Variants in ARHGEF12 observed in about 807,000 individuals in gnomAD.
ARHGEF12 encodes the protein KMT2A/ARHGEF12 fusion protein.
A neutral mutation model predicts 211.2 loss-of-function variants in ARHGEF12; 66 were observed. The observed-to-expected ratio is 0.31, with a 90% CI of 0.26 to 0.38. ARHGEF12 has a LOEUF of 0.38. Among genes scored for constraint, ARHGEF12 ranks in the 10% least tolerant of loss-of-function variants. The pLI, the probability that ARHGEF12 is intolerant of heterozygous loss-of-function variation, is 1.00. For synonymous variants in ARHGEF12, 592 were observed against 638.4 expected (o/e 0.93, Z 1.09); for missense variants, 1,429 against 1,869.5 (o/e 0.76, Z 4.34).
chr11:120,354,082 G>T (rs946756777), intron 1 of ARHGEF12, among the ~76,000 whole-genome samples: 1 of 152,154 alleles, frequency 6.6e-6, no homozygotes, highest in African/African-American at 2.4e-5. Context: ...GACTAGGGGT[G>T]CAGTGGGAGG....
In ARHGEF12 at chr11:120,478,299, A is replaced by C. The variant is rs931088206; in HGVS notation, c.3676A>C (p.Lys1226Gln). ...AKEQHTDGTL[K>Q]EVGEDYQIAI... Reference sequence around the variant, plus strand: ...GGAACAACATACAGATGGGACACTAAAGGAAGTTGGAGAAGATTATCAAAT... The same window carrying C: ...GGAACAACATACAGATGGGACACTACAGGAAGTTGGAGAAGATTATCAAAT... Residue 1226 changes from lysine (K) to glutamine (Q), a missense_variant, in exon 37 of 41, where the codon AAG becomes CAG. Physicochemically the swap from Lys to Gln is moderately conservative, Grantham distance 53. This residue lies in a region of ARHGEF12 where 467 missense variants were observed against 468.4 expected (regional missense o/e 1.00). Transcript: ENST00000397843. 30 of 1,614,150 alleles carry C rather than the reference A, an allele frequency of 1.9e-5. No homozygotes were observed. Among genetic ancestry groups the C allele is most frequent in the Non-Finnish European group, 2.5e-5 (30 of 1,180,020 alleles).
intron 7 of ARHGEF12, among the ~76,000 whole-genome samples, chr11:120,425,460 T>C (rs979173682): frequency 2.6e-5 from 4 of 151,886 alleles, no homozygotes; most frequent in Non-Finnish European, 5.9e-5. Context: ...CCTTGTTTTT[T>C]GTTTTTTGTT....
At chr11:120,416,186 T>TC (rs1469721618) in intron 4 of ARHGEF12, among the ~76,000 whole-genome samples, 2 of 152,204 alleles carry the variant, frequency 1.3e-5, no homozygotes, top group Non-Finnish European at 2.9e-5. Flanking sequence ...GCTGTTTTTT[T>TC]CTCTCCGATG....
In ARHGEF12 at chr11:120,441,687, A is replaced by G; in HGVS notation, c.1093-20A>G. 6.3e-7 allele frequency: 1 copy of G among 1,591,748 alleles called. No individual in the cohort carries two copies. The highest frequency in any genetic ancestry group is 8.6e-7 in the Non-Finnish European group (1 of 1,160,690). ...ATTTGTATGTTGGAGTTACTGATGC[A>G]TAATCATTTCTTCCTCTAGATCAAT... On this transcript the variant is annotated intron_variant, in intron 13 of 40. Coordinates refer to ENST00000397843, the MANE Select transcript of ARHGEF12 (RefSeq NM_015313.3).
At chr11:120,344,010 A>T (rs1287315902) in intron 1 of ARHGEF12, among the ~76,000 whole-genome samples, 2 of 152,072 alleles carry the variant, frequency 1.3e-5, no homozygotes, top group Non-Finnish European at 2.9e-5. Context: ...CATGCCTGTA[A>T]ATCCCAGCAC....
intron 37 of ARHGEF12, among the ~76,000 whole-genome samples, chr11:120,479,092 CA>C (rs1444384877): frequency 6.6e-6 from 1 of 151,992 alleles, no homozygotes; most frequent in Non-Finnish European, 1.5e-5. Flanking sequence ...TAATGAATGA[CA>C]AAACACTAAA....
intron 1 of ARHGEF12, among the ~76,000 whole-genome samples, chr11:120,369,570 C>T (rs915788245): frequency 2.0e-5 from 3 of 152,194 alleles, no homozygotes; most frequent in African/African-American, 7.2e-5. Flanking sequence ...TTATGTTTAT[C>T]ATTTTATAGA....
intron 15 of ARHGEF12, among the ~76,000 whole-genome samples, chr11:120,444,566 A>C (rs1945988225): frequency 6.6e-6 from 1 of 152,222 alleles, no homozygotes; most frequent in Non-Finnish European, 1.5e-5. Context: ...AAGAGATCTT[A>C]CAATTTTTAG....
intron 13 of ARHGEF12, 152 bp from the exon 14 acceptor site, chr11:120,441,555 T>C (rs1945868562): frequency 3.4e-6 from 2 of 588,644 alleles, no homozygotes; most frequent in East Asian, 2.9e-5. Flanking sequence ...CCATAGCTTC[T>C]GTTGCTAATA....
intron 1 of ARHGEF12, among the ~76,000 whole-genome samples, chr11:120,379,924 G>A (rs1200131907): frequency 6.6e-6 from 1 of 152,014 alleles, no homozygotes. Context: ...TAGTTTTCTT[G>A]TAATGTCATT....
chr11:120,372,453 C>T (rs1591513584), intron 1 of ARHGEF12, among the ~76,000 whole-genome samples: 1 of 152,060 alleles, frequency 6.6e-6, no homozygotes, highest in Non-Finnish European at 1.5e-5. Context: ...TATACTGGCC[C>T]AGTACAAAGT....
chr11:120,387,524 ATCTT>A (rs545764784), intron 1 of ARHGEF12, among the ~76,000 whole-genome samples: 467 of 152,238 alleles, frequency 3.1e-3, no homozygotes, highest in Non-Finnish European at 4.8e-3. Flanking sequence ...AAAATTATTA[ATCTT>A]TCTATTACAG....
chr11:120,489,408 A>G lies in ARHGEF12; in HGVS notation c.*4331A>G. On this transcript the variant is annotated 3_prime_UTR_variant, in exon 41 of 41. Transcript: ENST00000397843. ...TTTTAAGTATAAAGTTCAGTGAGGT[A>G]GGCCAGCTTTTATGACGCACCTGAA... 1 of 224,280 alleles carries G rather than the reference A, an allele frequency of 4.5e-6. No individual in the cohort carries two copies. The highest frequency in any genetic ancestry group is 8.9e-6 in the Non-Finnish European group (1 of 112,370). 13.9% of individuals were successfully genotyped at this position (224,280 alleles called of 1,614,324 possible).
intron 22 of ARHGEF12, among the ~76,000 whole-genome samples, chr11:120,455,083 A>T (rs1317828557): frequency 3.3e-5 from 5 of 152,230 alleles, no homozygotes; most frequent in South Asian, 2.1e-4. Flanking sequence ...TAGAGTGTAC[A>T]TCAGAAATAT....
intron 31 of ARHGEF12, among the ~76,000 whole-genome samples, 153 bp from the exon 32 acceptor site, chr11:120,474,407 A>G (rs930205714): frequency 6.6e-6 from 1 of 152,178 alleles, no homozygotes; most frequent in African/African-American, 2.4e-5. Flanking sequence ...CTTTTGTGCC[A>G]TTTTCAAGAA....
At position 120,476,803 on chromosome 11, in the gene ARHGEF12, G is replaced by A. The variant is rs138609487; in HGVS notation, c.3365+55G>A. 1,925 of 1,361,774 alleles carry A rather than the reference G, an allele frequency of 1.4e-3. 24 individuals carry two copies. In the Admixed American group the frequency reaches 0.023, roughly 16 times the overall value. 84.4% of individuals were successfully genotyped at this position (1,361,774 alleles called of 1,614,324 possible). ...AGCTAATATTTTCATTATCCCAAGC[G>A]TAATATTCCATAAACTTAACTTTGT... is the stretch of plus-strand genomic sequence containing the variant. On this transcript the variant is annotated intron_variant, in intron 34 of 40. Transcript: ENST00000397843.
chr11:120,381,563 G>A (rs1181349364), intron 1 of ARHGEF12, among the ~76,000 whole-genome samples: 1 of 152,186 alleles, frequency 6.6e-6, no homozygotes, highest in Admixed American at 6.5e-5. Flanking sequence ...CTTCAGTGAA[G>A]TTATGTCATA....
At position 120,481,482 on chromosome 11, in the gene ARHGEF12, G is replaced by C. The variant is rs1947234843; in HGVS notation, c.4460G>C (p.Cys1487Ser). The change falls in exon 39 of 41, where the codon TGT becomes TCT. Residue 1487 changes from cysteine to serine, a missense_variant. Coordinates refer to ENST00000397843, the MANE Select transcript of ARHGEF12 (RefSeq NM_015313.3). ...QQRWGAMEYS[C>S]FEIQSPSSCA... is the part of the protein sequence containing the mutation. The stretch of plus-strand genomic sequence containing the variant: ...CGCTGGGGAGCTATGGAGTATTCCT[G>C]TTTTGAGATCCAGAGTCCCTCCTCT... The C allele has an allele frequency of 6.2e-7, 1 of 1,614,080 alleles. No individual in the cohort carries two copies. The highest frequency in any genetic ancestry group is 1.3e-5 in the African/African-American group (1 of 74,930).
intron 1 of ARHGEF12, among the ~76,000 whole-genome samples, chr11:120,404,757 G>A (rs1409665998): frequency 6.6e-6 from 1 of 152,136 alleles, no homozygotes; most frequent in Non-Finnish European, 1.5e-5. Context: ...TTGATAAATG[G>A]CAGTTGTTAT....
Sources: allele counts gnomAD v4.1 joint callset (sites outside exome capture counted in the v4.1 genomes callset), GRCh38; gene constraint gnomAD v4.1.1; regional missense constraint gnomAD v4.1.1; transcripts MANE v1.5; gene names NCBI Gene and HGNC (gene_info 2026-07-23, HGNC 2026-07-21).